PHACTR2: variants seen among roughly 807,000 people sequenced by gnomAD.
PHACTR2 encodes chromosome 6 open reading frame 56.
A neutral mutation model predicts 76.0 loss-of-function variants in PHACTR2; 30 were observed. That is an observed-to-expected ratio of 0.39 (90% CI 0.30 to 0.54). The LOEUF (loss-of-function observed/expected upper bound fraction) is 0.54. Ranked by LOEUF, PHACTR2 falls within the 20% of genes least tolerant of loss-of-function variation. The pLI is 0.61. For synonymous variants in PHACTR2, 292 were observed against 292.5 expected (o/e 1.00, Z 0.02); for missense variants, 696 against 781.1 (o/e 0.89, Z 1.30).
rs1775007923 is a variant in PHACTR2, at chr6:143,546,850, A to C, written c.217+9643A>C. Among the ~76,000 whole-genome samples the C allele has an allele frequency of 7.4e-6, 1 of 134,538 alleles. No homozygotes were observed. 88.3% of individuals were successfully genotyped at this position (134,538 alleles called of 152,430 possible). On this transcript the variant is annotated intron_variant, in intron 1 of 11. Coordinates refer to the PHACTR2 transcript ENST00000367584. This position sits in a 1 kb window ranked among gnomAD's most constrained non-coding sequence, Gnocchi z 4.9. Reference sequence around the variant, plus strand: ...AGACAAGCCTGGGCAACATAGTGAGACCCCATCTCAAAAAAAAAAAAAATA... The same window carrying C: ...AGACAAGCCTGGGCAACATAGTGAGCCCCCATCTCAAAAAAAAAAAAAATA...
chr6:143,727,568 C>T (rs1778601627), intron 2 of PHACTR2, among the ~76,000 whole-genome samples: 1 of 129,704 alleles, frequency 7.7e-6, no homozygotes, highest in African/African-American at 3.5e-5. Flanking sequence ...TACTAATGTA[C>T]ATTCTTACCA....
intron 6 of PHACTR2, among the ~76,000 whole-genome samples, chr6:143,766,739 AG>A (rs1448433129): frequency 6.6e-6 from 1 of 152,214 alleles, no homozygotes; most frequent in Admixed American, 6.5e-5. Context: ...GGTTCATCCA[AG>A]GGTCCTCATT....
At chr6:143,808,127 ATTT>A (rs35192258) in intron 12 of PHACTR2, among the ~76,000 whole-genome samples, 10 of 130,378 alleles carry the variant, frequency 7.7e-5, no homozygotes, top group Admixed American at 1.5e-4. Context: ...ACAATCCAAA[ATTT>A]TTTTTTTTTT....
chr6:143,771,168 A>ATG (rs1230878988), intron 6 of PHACTR2, among the ~76,000 whole-genome samples: 5 of 28,038 alleles, frequency 1.8e-4, no homozygotes, highest in African/African-American at 9.4e-4. Flanking sequence ...GTATATATAT[A>ATG]TATATGTATA....
intron 1 of PHACTR2, among the ~76,000 whole-genome samples, chr6:143,631,731 C>T (rs1776366871): frequency 6.6e-6 from 1 of 152,134 alleles, no homozygotes; most frequent in Non-Finnish European, 1.5e-5. Flanking sequence ...GTCCTGGGAA[C>T]CCTGTGCACA....
chr6:143,670,844 A>T (rs953514383), intron 1 of PHACTR2, among the ~76,000 whole-genome samples: 3 of 152,006 alleles, frequency 2.0e-5, no homozygotes, highest in Non-Finnish European at 4.4e-5. Flanking sequence ...TACTTCTATC[A>T]ATTCATCAAA....
intron 1 of PHACTR2, among the ~76,000 whole-genome samples, chr6:143,569,251 G>C (rs974883859): frequency 1.3e-5 from 2 of 152,122 alleles, no homozygotes; most frequent in African/African-American, 4.8e-5. Context: ...AATTCTCCAG[G>C]CTTTCTTTCT....
intron 1 of PHACTR2, among the ~76,000 whole-genome samples, chr6:143,620,283 G>T (rs559853666): frequency 6.6e-6 from 1 of 152,234 alleles, no homozygotes; most frequent in African/African-American, 2.4e-5. Context: ...ACAGATGTGG[G>T]CTTTGTCTTT....
chr6:143,804,258 C>T (rs548124976), intron 11 of PHACTR2, among the ~76,000 whole-genome samples: 9 of 152,344 alleles, frequency 5.9e-5, no homozygotes, highest in African/African-American at 2.2e-4. Flanking sequence ...CTCTCTCTAT[C>T]TACCCAGCAT....
chr6:143,639,990 A>G lies in PHACTR2; in HGVS notation c.13+31668A>G, dbSNP rs1776534864. On this transcript the variant is annotated intron_variant, in intron 1 of 11. Transcript: ENST00000305766. The surrounding 1 kb of genome is among the most constrained non-coding windows in gnomAD (Gnocchi z 5.0). Reference sequence around the variant, plus strand: ...GTGCTACATAATGATGTTTCTGCCAACAGTGGGCCACATATATGATGGTAA... The same window carrying G: ...GTGCTACATAATGATGTTTCTGCCAGCAGTGGGCCACATATATGATGGTAA... Among the ~76,000 whole-genome samples, 1 of 152,220 alleles carries G rather than the reference A, an allele frequency of 6.6e-6. No homozygotes were observed. The highest frequency in any genetic ancestry group is 2.4e-5 in the African/African-American group (1 of 41,460).
At chr6:143,720,400 C>T (rs9403525) in intron 2 of PHACTR2, among the ~76,000 whole-genome samples, 95,625 of 151,836 alleles carry the variant, frequency 0.63, 32,147 homozygotes, top group African/African-American at 0.88. Flanking sequence ...AGTTTCAAAT[C>T]GGGAAATGTT....
At chr6:143,637,534 A>C (rs543585178) in intron 1 of PHACTR2, among the ~76,000 whole-genome samples, 9 of 152,260 alleles carry the variant, frequency 5.9e-5, no homozygotes, top group Non-Finnish European at 8.8e-5. Context: ...TTAGCAGCTT[A>C]ACACAACACA....
intron 1 of PHACTR2, among the ~76,000 whole-genome samples, chr6:143,704,269 G>T (rs1251190276): frequency 6.6e-6 from 1 of 152,144 alleles, no homozygotes; most frequent in Non-Finnish European, 1.5e-5. Flanking sequence ...GATCCATCAT[G>T]TGCTAAAAAG....
rs1036133660 is a variant in PHACTR2, at chr6:143,827,901, G to C, written c.*4212G>C. 3.3e-5 allele frequency: 5 copies of C among 152,118 alleles called. No homozygotes were observed. The highest frequency in any genetic ancestry group is 7.3e-5 in the Non-Finnish European group (5 of 68,048). 9.4% of individuals were successfully genotyped at this position (152,118 alleles called of 1,614,324 possible). A position where few individuals can be genotyped will look rare whatever the true frequency, so the allele number is the denominator to read the frequency against. On this transcript the variant is annotated 3_prime_UTR_variant, in exon 13 of 13. Coordinates refer to ENST00000440869, the MANE Select transcript of PHACTR2 (RefSeq NM_001100164.2). The stretch of plus-strand genomic sequence containing the variant: ...CTTACACCTGTAATACCAGCACTTT[G>C]GGAGGCCAAGGTGGGTGGATCAGTT...
chr6:143,631,912 G>A (rs1319500668), intron 1 of PHACTR2, among the ~76,000 whole-genome samples: 4 of 152,002 alleles, frequency 2.6e-5, no homozygotes, highest in Admixed American at 2.6e-4. Flanking sequence ...CCATTTCTAG[G>A]GCTATGACTA....
At position 143,592,752 on chromosome 6, in the gene PHACTR2, G is replaced by C. The variant is rs1459033786; in HGVS notation, c.217+55545G>C. On this transcript the variant is annotated intron_variant, in intron 1 of 11. Coordinates refer to the PHACTR2 transcript ENST00000367584. The surrounding 1 kb of genome is among the most constrained non-coding windows in gnomAD (Gnocchi z 4.0). ...CATTACACAAATTAGCTATTGTTAA[G>C]AATCCCAACCTTGGGCTGGGCACGG... is the stretch of plus-strand genomic sequence containing the variant. 6.6e-6 allele frequency among the ~76,000 whole-genome samples: 1 copy of C among 151,952 alleles called. No homozygotes were observed. Among genetic ancestry groups the C allele is most frequent in the African/African-American group, 2.4e-5 (1 of 41,364 alleles).
rs77874513 is a variant in PHACTR2, at chr6:143,762,877, AT to A, written c.694+2246del. Among the ~76,000 whole-genome samples the A allele has an allele frequency of 1.3e-4, 20 of 151,584 alleles. No homozygotes were observed. In the East Asian group the frequency reaches 2.1e-3, roughly 16 times the overall value. On this transcript the variant is annotated intron_variant, in intron 5 of 12. Transcript: ENST00000440869. Reference sequence around the variant, plus strand: ...AAGTACTTAACTGAGGAGAGGCGACATTTTTTTTTATCATGCCCTTAATTGA... The same window carrying A: ...AAGTACTTAACTGAGGAGAGGCGACATTTTTTTTATCATGCCCTTAATTGA...
intron 6 of PHACTR2, among the ~76,000 whole-genome samples, chr6:143,766,909 G>T (rs1197907691): frequency 1.3e-5 from 2 of 152,150 alleles, no homozygotes; most frequent in Non-Finnish European, 2.9e-5. Flanking sequence ...AAGGCTTAGA[G>T]CTCTTGCATC....
At chr6:143,612,144 C>T (rs1339011368) in intron 1 of PHACTR2, among the ~76,000 whole-genome samples, 1 of 152,198 alleles carries the variant, frequency 6.6e-6, no homozygotes, top group Admixed American at 6.5e-5. Context: ...TGCCTCCTCT[C>T]CCTCCAGTCT....
Sources: gnomAD v4.1 joint callset for allele counts (sites outside exome capture counted in the v4.1 genomes callset) on GRCh38, gnomAD v4.1.1 for gene constraint, Gnocchi (gnomAD v3.1) non-coding constraint, MANE v1.5 for transcripts, NCBI Gene and HGNC (gene_info 2026-07-23, HGNC 2026-07-21) for gene names.